Variants in FYTTD1 observed in about 807,000 individuals in gnomAD.
FYTTD1 encodes the protein UAP56-interacting factor.
In FYTTD1, 22 loss-of-function variants were observed where a neutral mutation model predicts 40.9. That is an observed-to-expected ratio of 0.54 (90% CI 0.38 to 0.77). FYTTD1 has a LOEUF of 0.77. Among genes scored for constraint, FYTTD1 ranks in the 30% least tolerant of loss-of-function variants. The pLI is 0.00. For synonymous variants in FYTTD1, 140 were observed against 137.9 expected, an observed-to-expected ratio of 1.01 and a Z score of -0.10; for missense variants, 351 against 392.2, an observed-to-expected ratio of 0.90 and a Z score of 0.89.
At chr3:197,761,527 G>A (rs1427564529) in intron 2 of FYTTD1, among the ~76,000 whole-genome samples, 3 of 141,670 alleles carry the variant, frequency 2.1e-5, no homozygotes, top group African/African-American at 7.9e-5. Flanking sequence ...GGTAGAATGT[G>A]TAGAGTTGTT....
rs1167055874 is a variant in FYTTD1, at chr3:197,776,939, C to T, written c.669C>T (p.Ser223=). ...VAKRTRQWRT[S]TTNGGILTVS... is the part of the protein sequence containing the mutation. Reference sequence around the variant, plus strand: ...TTTTTGAAACTAGATGGCGGACTTCCACCACAAATGGAGGGATTTTGACTG... The same window carrying T: ...TTTTTGAAACTAGATGGCGGACTTCTACCACAAATGGAGGGATTTTGACTG... The change falls in exon 7 of 9, where the codon TCC becomes TCT. Residue 223 remains serine (S), a synonymous_variant. Transcript: ENST00000241502. 2 of 1,607,936 alleles carry T rather than the reference C, an allele frequency of 1.2e-6. No homozygotes were observed. Among genetic ancestry groups the T allele is most frequent in the African/African-American group, 2.7e-5 (2 of 74,704 alleles).
At chr3:197,769,164 T>C (rs1332540714) in intron 3 of FYTTD1, among the ~76,000 whole-genome samples, 3 of 152,094 alleles carry the variant, frequency 2.0e-5, no homozygotes, top group Non-Finnish European at 4.4e-5. Context: ...CTCGGCTCAC[T>C]GCAACCTCCA....
At position 197,750,744 on chromosome 3, in the gene FYTTD1, G is replaced by A; in HGVS notation, c.103+670G>A. 4 of 985,542 alleles carry A rather than the reference G, an allele frequency of 4.1e-6. No individual in the cohort carries two copies. The South Asian group carries it at 1.4e-4, about 35-fold the overall frequency. 61.0% of individuals were successfully genotyped at this position (985,542 alleles called of 1,614,324 possible). On this transcript the variant is annotated intron_variant, in intron 1 of 8. Coordinates refer to ENST00000241502, the MANE Select transcript of FYTTD1 (RefSeq NM_032288.7). Reference sequence around the variant, plus strand: ...TAGAAAAGCACAGTCTCCCTCTCCAGGCCTCAGAGCTAGCTAATGGGGGAG... The same window carrying A: ...TAGAAAAGCACAGTCTCCCTCTCCAAGCCTCAGAGCTAGCTAATGGGGGAG...
At chr3:197,762,705 AC>A (rs1267714598) in intron 2 of FYTTD1, among the ~76,000 whole-genome samples, 1 of 151,228 alleles carries the variant, frequency 6.6e-6, no homozygotes, top group Non-Finnish European at 1.5e-5. Context: ...ACACAGTGAA[AC>A]CCTGTCTCTA....
intron 1 of FYTTD1, among the ~76,000 whole-genome samples, chr3:197,751,985 C>A (rs1435505365): frequency 5.9e-5 from 9 of 152,124 alleles, no homozygotes; most frequent in Admixed American, 5.2e-4. Context: ...AGTTCTCCTG[C>A]CTCAGCCTCC....
At chr3:197,753,197 G>A (rs115989781) in intron 1 of FYTTD1, among the ~76,000 whole-genome samples, 2,521 of 152,164 alleles carry the variant, frequency 0.017, 72 homozygotes, top group African/African-American at 0.058. Flanking sequence ...ACTATGCTTT[G>A]TGAATGTTTA....
At chr3:197,776,351 C>T (rs528670101) in intron 6 of FYTTD1, among the ~76,000 whole-genome samples, 1 of 151,022 alleles carries the variant, frequency 6.6e-6, no homozygotes, top group Non-Finnish European at 1.5e-5. Flanking sequence ...ATTACAAATA[C>T]CCACCACCAC....
intron 1 of FYTTD1, chr3:197,750,544 G>T (rs1728986069): frequency 1.0e-6 from 1 of 985,622 alleles, no homozygotes; most frequent in Non-Finnish European, 1.2e-6. Context: ...GGCTGCGGTC[G>T]GTTAAACCAG....
chr3:197,774,022 T>C (rs1729798303), intron 5 of FYTTD1, 127 bp from the exon 6 acceptor site: 2 of 755,722 alleles, frequency 2.6e-6, no homozygotes, highest in Admixed American at 2.2e-5. Context: ...AGTTGTAGAA[T>C]AGCGCAGGCA....
rs1186013599 is a variant in FYTTD1 at position 197,756,419 on chromosome 3, A to G, written c.104-7A>G. 1.3e-6 allele frequency: 2 copies of G among 1,596,912 alleles called. No homozygotes were observed. Among genetic ancestry groups the G allele is most frequent in the South Asian group, 1.1e-5 (1 of 90,704 alleles). On this transcript the variant is annotated splice_polypyrimidine_tract_variant and splice_region_variant and intron_variant, in intron 1 of 8. Coordinates refer to ENST00000241502, the MANE Select transcript of FYTTD1 (RefSeq NM_032288.7). ...AATGAAAATAATTGACATTTCCTCT[A>G]TCATAGATGATATCATCAAGTTGAA...
At chr3:197,764,495 G>T (rs1032773841) in intron 2 of FYTTD1, among the ~76,000 whole-genome samples, 12 of 152,090 alleles carry the variant, frequency 7.9e-5, no homozygotes, top group African/African-American at 2.9e-4. Flanking sequence ...AGATTACGAG[G>T]TCAGGAGTTC....
At chr3:197,776,766 C>T (rs930398022) in intron 6 of FYTTD1, among the ~76,000 whole-genome samples, 161 bp from the exon 7 acceptor site, 6 of 151,916 alleles carry the variant, frequency 3.9e-5, no homozygotes, top group South Asian at 2.1e-4. Context: ...CAGTTCCGCA[C>T]CCAAGATGTT....
At chr3:197,753,062 A>G (rs1240684517) in intron 1 of FYTTD1, among the ~76,000 whole-genome samples, 2 of 152,192 alleles carry the variant, frequency 1.3e-5, no homozygotes, top group Non-Finnish European at 2.9e-5. Flanking sequence ...ACAGCTTGAT[A>G]TCTTTCTTTC....
chr3:197,756,373 T>C, intron 1 of FYTTD1, 53 bp from the exon 2 acceptor site: 1 of 1,364,226 alleles, frequency 7.3e-7, no homozygotes, highest in Non-Finnish European at 1.0e-6. Context: ...AAAACGAAAC[T>C]GAGTAATTGA....
intron 1 of FYTTD1, among the ~76,000 whole-genome samples, chr3:197,752,637 A>C (rs1010041819): frequency 6.6e-6 from 1 of 151,692 alleles, no homozygotes; most frequent in Non-Finnish European, 1.5e-5. Flanking sequence ...GGTTATTTTT[A>C]TACATACACT....
At chr3:197,779,548 T>TG (rs1553910245) in intron 8 of FYTTD1, among the ~76,000 whole-genome samples, 3 of 150,046 alleles carry the variant, frequency 2.0e-5, no homozygotes, top group African/African-American at 7.4e-5. Context: ...TTTTTTTTTT[T>TG]GTGAAACAGT....
chr3:197,760,281 G>A (rs533868318), intron 2 of FYTTD1, among the ~76,000 whole-genome samples: 1 of 151,892 alleles, frequency 6.6e-6, no homozygotes, highest in South Asian at 2.1e-4. Context: ...AAGGTACAGA[G>A]TTGTTCTTTA....
At chr3:197,753,892 G>A (rs1560491546) in intron 1 of FYTTD1, among the ~76,000 whole-genome samples, 2 of 151,544 alleles carry the variant, frequency 1.3e-5, no homozygotes, top group African/African-American at 2.4e-5. Context: ...GGCGCCCACC[G>A]CCACACCCGG....
At chr3:197,757,721 G>T (rs1729251336) in intron 2 of FYTTD1, among the ~76,000 whole-genome samples, 1 of 152,172 alleles carries the variant, frequency 6.6e-6, no homozygotes, top group East Asian at 1.9e-4. Context: ...ACCACAGTGA[G>T]CCATGATGGC....
Sources: gnomAD v4.1 joint callset for allele counts (sites outside exome capture counted in the v4.1 genomes callset) on GRCh38, gnomAD v4.1.1 for gene constraint, MANE v1.5 for transcripts, NCBI Gene and HGNC (gene_info 2026-07-23, HGNC 2026-07-21) for gene names.